The following ARL8A variants were observed in gnomAD, a reference collection of about 807,000 sequenced individuals.
ARL8A encodes the protein ADP-ribosylation factor-like protein 8A.
In ARL8A, 10 loss-of-function variants were observed where a neutral mutation model predicts 31.2. The observed-to-expected ratio is 0.32, with a 90% CI of 0.20 to 0.54. The LOEUF (loss-of-function observed/expected upper bound fraction) is 0.54. Among genes scored for constraint, ARL8A ranks in the 20% least tolerant of loss-of-function variants. The pLI, the probability that ARL8A is intolerant of heterozygous loss-of-function variation, is 0.93. For missense variants in ARL8A, 129 were observed against 242.8 expected, an observed-to-expected ratio of 0.53 and a Z score of 3.12; for synonymous variants, 70 against 86.9, an observed-to-expected ratio of 0.81 and a Z score of 1.08.
chr1:202,138,466 A>G lies in ARL8A; in HGVS notation c.124-18T>C, dbSNP rs1475460488. 6.2e-7 allele frequency: 1 copy of G among 1,612,010 alleles called. No individual in the cohort carries two copies. The highest frequency in any genetic ancestry group is 1.3e-5 in the African/African-American group (1 of 74,858). ...TGTCCTGACTGGAAAGAAGACTCAG[A>G]ATGGGAAACAGTGCAAAAATCGATA... On this transcript the variant is annotated intron_variant, in intron 1 of 6. Transcript: ENST00000272217. This position sits in a 1 kb window ranked among gnomAD's most constrained non-coding sequence, Gnocchi z 4.4.
chr1:202,135,666 G>C lies in ARL8A; in HGVS notation c.372+41C>G. The C allele has an allele frequency of 6.3e-7, 1 of 1,596,258 alleles. No individual in the cohort carries two copies. The highest frequency in any genetic ancestry group is 1.7e-4 in the Middle Eastern group (1 of 5,876). ...TTTACCTGCTCCCAGTGACTTCCCA[G>C]CCGAGCTCCCTCCCCATCCCGCTCC... On this transcript the variant is annotated intron_variant, in intron 4 of 6. Coordinates refer to ENST00000272217, the MANE Select transcript of ARL8A (RefSeq NM_138795.4). The surrounding 1 kb of genome is among the most constrained non-coding windows in gnomAD (Gnocchi z 5.3).
chr1:202,136,580 A>C (rs936010228), intron 3 of ARL8A, among the ~76,000 whole-genome samples: 24 of 151,844 alleles, frequency 1.6e-4, no homozygotes, highest in African/African-American at 5.8e-4. Flanking sequence ...CATCCAGCCT[A>C]TTATTTTCTG....
Position 202,135,214 on chromosome 1 carries a change from C to T in ARL8A, c.447G>A (p.Leu149=). ...AGATCTCTCGGTCCTGGATGGCAGA[C>T]AGATTCCTGGGGGAAACCAGAGTAG... ...DEKELIEKMN[L]SAIQDREICC... Residue 149 remains leucine, a synonymous_variant, in exon 6 of 7, where the codon CTG becomes CTA. Transcript: ENST00000272217. This position sits in a 1 kb window ranked among gnomAD's most constrained non-coding sequence, Gnocchi z 5.3. The T allele has an allele frequency of 1.2e-6, 2 of 1,614,112 alleles. No homozygotes were observed. Among genetic ancestry groups the T allele is most frequent in the Non-Finnish European group, 8.5e-7 (1 of 1,179,944 alleles).
rs1213817558 is a variant in ARL8A at position 202,137,983 on chromosome 1, C to T, written c.260G>A (p.Arg87Gln). The change falls in exon 3 of 7, where the codon CGA (arginine) becomes CAA (glutamine). Residue 87 changes from arginine (R) to glutamine (Q), a missense_variant. By Grantham distance (43) the Arg-to-Gln change is conservative (BLOSUM62 1). Coordinates refer to ENST00000272217, the MANE Select transcript of ARL8A (RefSeq NM_138795.4). ...RFRSMWERYC[R>Q]GVSAIVYMVD... is the part of the protein sequence containing the mutation. ...TACTTACACGATGGCGCTCACTCCT[C>T]GGCAGTAGCGCTCCCACATGCTGCG... The T allele has an allele frequency of 6.2e-7, 1 of 1,614,102 alleles. No homozygotes were observed. Among genetic ancestry groups the T allele is most frequent in the Non-Finnish European group, 8.5e-7 (1 of 1,180,034 alleles).
intron 1 of ARL8A, among the ~76,000 whole-genome samples, chr1:202,139,962 T>C (rs1024874320): frequency 2.6e-5 from 4 of 151,846 alleles, no homozygotes; most frequent in Non-Finnish European, 4.4e-5. Flanking sequence ...CCTGTTCCTT[T>C]ACCATGCCTT....
In ARL8A at chr1:202,135,130, CT is replaced by C; in HGVS notation, c.511+19del. 1 of 1,609,676 alleles carries C rather than the reference CT, an allele frequency of 6.2e-7. No homozygotes were observed. The highest frequency in any genetic ancestry group is 8.5e-7 in the Non-Finnish European group (1 of 1,175,940). ...CAGAAATGCCTCTCCCCTCTCCTCCCTTTCCCCCATCCTACGCACCAATGTT... is the reference window on the plus strand; with the variant it reads ...CAGAAATGCCTCTCCCCTCTCCTCCCTTCCCCCATCCTACGCACCAATGTT... On this transcript the variant is annotated intron_variant, in intron 6 of 6. Transcript: ENST00000272217. This position sits in a 1 kb window ranked among gnomAD's most constrained non-coding sequence, Gnocchi z 5.3.
Position 202,138,165 on chromosome 1 carries a change from C to T in ARL8A, c.205-127G>A. 8.3e-7 allele frequency: 1 copy of T among 1,211,334 alleles called. No individual in the cohort carries two copies. The allele number at this position is 1,211,334 out of a possible 1,614,324, so 75.0% of individuals were successfully genotyped here. On this transcript the variant is annotated intron_variant, in intron 2 of 6. Transcript: ENST00000272217. The surrounding 1 kb of genome is among the most constrained non-coding windows in gnomAD (Gnocchi z 4.4). The stretch of plus-strand genomic sequence containing the variant: ...CTCCCCGGCTTCCTCTCCAGTTCTC[C>T]CCCGTCTCCACCCGCTCTCCGTCTA...
chr1:202,138,314 C>G lies in ARL8A; in HGVS notation c.204+54G>C. 1.3e-6 allele frequency: 2 copies of G among 1,541,904 alleles called. No homozygotes were observed. The highest frequency in any genetic ancestry group is 1.8e-6 in the Non-Finnish European group (2 of 1,115,732). On this transcript the variant is annotated intron_variant, in intron 2 of 6. Coordinates refer to ENST00000272217, the MANE Select transcript of ARL8A (RefSeq NM_138795.4). The surrounding 1 kb of genome is among the most constrained non-coding windows in gnomAD (Gnocchi z 4.4). ...TCCCCAACACACACACACACACACACACACACACACACAAAAACAGTCCTC... is the reference window on the plus strand; with the variant it reads ...TCCCCAACACACACACACACACACAGACACACACACACAAAAACAGTCCTC...
intron 1 of ARL8A, among the ~76,000 whole-genome samples, chr1:202,143,749 T>C (rs1324742308): frequency 6.6e-6 from 1 of 152,194 alleles, no homozygotes; most frequent in Non-Finnish European, 1.5e-5. Flanking sequence ...TCATCCTCTC[T>C]TGTCGGGAGC....
chr1:202,135,427 A>G lies in ARL8A; in HGVS notation c.440+32T>C. On this transcript the variant is annotated intron_variant, in intron 5 of 6. Transcript: ENST00000272217. This position sits in a 1 kb window ranked among gnomAD's most constrained non-coding sequence, Gnocchi z 5.3. ...GGTCTGGTGGTTGGGGAATTGGGAG[A>G]GCAGAAAGTAATATAGAGTCACCCA... is the stretch of plus-strand genomic sequence containing the variant. 1 of 1,606,656 alleles carries G rather than the reference A, an allele frequency of 6.2e-7. No homozygotes were observed.
chr1:202,134,420 G>A lies in ARL8A; in HGVS notation c.*47C>T. On this transcript the variant is annotated 3_prime_UTR_variant, in exon 7 of 7. Transcript: ENST00000272217. This position sits in a 1 kb window ranked among gnomAD's most constrained non-coding sequence, Gnocchi z 4.2. ...GGGGTGGGCGGGGAGCTCGGCTTCA[G>A]GTTTAGATGATGACGGTCCCTGGTC... 2.5e-6 allele frequency: 4 copies of A among 1,586,912 alleles called. No individual in the cohort carries two copies. Among genetic ancestry groups the A allele is most frequent in the Non-Finnish European group, 3.5e-6 (4 of 1,156,088 alleles).
At position 202,134,844 on chromosome 1, in the gene ARL8A, T is replaced by G. The variant is rs1435203100; in HGVS notation, c.511+306A>C. 6.6e-6 allele frequency among the ~76,000 whole-genome samples: 1 copy of G among 152,084 alleles called. No homozygotes were observed. Among genetic ancestry groups the G allele is most frequent in the Non-Finnish European group, 1.5e-5 (1 of 68,014 alleles). ...TGAATGAGTAGTAGCGGAATTCAGGTGCTGGGAAAGAGACAGAGCCACAGC... is the reference window on the plus strand; with the variant it reads ...TGAATGAGTAGTAGCGGAATTCAGGGGCTGGGAAAGAGACAGAGCCACAGC... On this transcript the variant is annotated intron_variant, in intron 6 of 6. Transcript: ENST00000272217. This position sits in a 1 kb window ranked among gnomAD's most constrained non-coding sequence, Gnocchi z 4.2.
At chr1:202,139,464 T>C (rs543143536) in intron 1 of ARL8A, among the ~76,000 whole-genome samples, 7 of 151,526 alleles carry the variant, frequency 4.6e-5, no homozygotes, top group African/African-American at 1.7e-4. Flanking sequence ...TCCCAGCTAC[T>C]TGGGAGGCTG....
Position 202,134,637 on chromosome 1 carries a change from G to T in ARL8A, c.512-121C>A, listed in dbSNP as rs1654953908. 1 of 885,116 alleles carries T rather than the reference G, an allele frequency of 1.1e-6. No individual in the cohort carries two copies. 54.8% of individuals were successfully genotyped at this position (885,116 alleles called of 1,614,324 possible). A position where few individuals can be genotyped will look rare whatever the true frequency, so the allele number is the denominator to read the frequency against. On this transcript the variant is annotated intron_variant, in intron 6 of 6. Coordinates refer to ENST00000272217, the MANE Select transcript of ARL8A (RefSeq NM_138795.4). The surrounding 1 kb of genome is among the most constrained non-coding windows in gnomAD (Gnocchi z 4.2). The stretch of plus-strand genomic sequence containing the variant: ...AAGTCCAGAGATGCCAGGAGGGGTG[G>T]CGCACACCTGGAGTCTCAGCTACAT...
chr1:202,137,440 C>T (rs1655041101), intron 3 of ARL8A, among the ~76,000 whole-genome samples: 1 of 152,086 alleles, frequency 6.6e-6, no homozygotes, highest in Non-Finnish European at 1.5e-5. Flanking sequence ...CCAGCCTAAC[C>T]AACATGGAGA....
chr1:202,144,066 G>T lies in ARL8A; in HGVS notation c.123+384C>A, dbSNP rs1349877760. On this transcript the variant is annotated intron_variant, in intron 1 of 6. Coordinates refer to ENST00000272217, the MANE Select transcript of ARL8A (RefSeq NM_138795.4). This position sits in a 1 kb window ranked among gnomAD's most constrained non-coding sequence, Gnocchi z 5.2. ...GACCCTCTACCCGCGGGACAGGAAG[G>T]CCCGTGCACTTTCGCCCCGTCATGC... Among the ~76,000 whole-genome samples, 1 of 152,182 alleles carries T rather than the reference G, an allele frequency of 6.6e-6. No homozygotes were observed. The highest frequency in any genetic ancestry group is 1.5e-5 in the Non-Finnish European group (1 of 68,020).
In ARL8A at chr1:202,138,977, A is replaced by T. The variant is rs1410964910; in HGVS notation, c.124-529T>A. Among the ~76,000 whole-genome samples, 1 of 152,138 alleles carries T rather than the reference A, an allele frequency of 6.6e-6. No homozygotes were observed. The highest frequency in any genetic ancestry group is 1.5e-5 in the Non-Finnish European group (1 of 68,022). ...AGTTTATTTGTACTGTACTCCAGTT[A>T]TTGGGAAGGATAACCTACACTCTAT... On this transcript the variant is annotated intron_variant, in intron 1 of 6. Transcript: ENST00000272217. This position sits in a 1 kb window ranked among gnomAD's most constrained non-coding sequence, Gnocchi z 4.4.
chr1:202,143,076 G>A (rs1232679253), intron 1 of ARL8A, among the ~76,000 whole-genome samples: 1 of 152,154 alleles, frequency 6.6e-6, no homozygotes, highest in African/African-American at 2.4e-5. Context: ...TGTTAGCTCC[G>A]AAAATTACTG....
rs1381396492 is a variant in ARL8A at position 202,144,346 on chromosome 1, G to A, written c.123+104C>T. On this transcript the variant is annotated intron_variant, in intron 1 of 6. Transcript: ENST00000272217. This position sits in a 1 kb window ranked among gnomAD's most constrained non-coding sequence, Gnocchi z 5.2. The stretch of plus-strand genomic sequence containing the variant: ...CCCCGCCCGGCGCCCGGCCGTGCCC[G>A]GCTATGCCAGGCGGCGACCCCGGCT... 9.7e-6 allele frequency: 8 copies of A among 827,768 alleles called. No homozygotes were observed. The highest frequency in any genetic ancestry group is 1.0e-5 in the Non-Finnish European group (7 of 684,082). The allele number at this position is 827,768 out of a possible 1,614,324, so 51.3% of individuals were successfully genotyped here.
Sources: allele counts gnomAD v4.1 joint callset (sites outside exome capture counted in the v4.1 genomes callset), GRCh38; gene constraint gnomAD v4.1.1; non-coding constraint Gnocchi (gnomAD v3.1); transcripts MANE v1.5; gene names NCBI Gene and HGNC (gene_info 2026-07-23, HGNC 2026-07-21).